Variants in OR5L2 observed in about 807,000 individuals in gnomAD.
OR5L2 encodes olfactory receptor family 5 subfamily L member 2, also known as olfactory receptor 5L2.
For synonymous variants in OR5L2, 175 were observed against 151.6 expected, an observed-to-expected ratio of 1.15 and a Z score of -1.13; for missense variants, 425 against 365.6, an observed-to-expected ratio of 1.16 and a Z score of -1.32.
In OR5L2 at chr11:55,827,584, C is replaced by T. The variant is rs763663319; in HGVS notation, c.366C>T (p.Arg122=). 25 of 1,613,772 alleles carry T rather than the reference C, an allele frequency of 1.5e-5. No individual in the cohort carries two copies. The highest frequency in any genetic ancestry group is 1.7e-5 in the Non-Finnish European group (20 of 1,180,000). The part of the protein sequence containing the change: ...VFLLAVMAYD[R]FVAICNPLLY... The stretch of plus-strand genomic sequence containing the variant: ...TGCTGGCCGTGATGGCCTATGACCG[C>T]TTTGTGGCCATCTGTAACCCCCTGC... Residue 122 remains arginine (R), a synonymous_variant, in exon 1 of 1, where the codon CGC becomes CGT. Transcript: ENST00000378397.
chr11:55,827,726 A>G lies in OR5L2; in HGVS notation c.508A>G (p.Arg170Gly). 9.9e-6 allele frequency: 16 copies of G among 1,613,758 alleles called. No homozygotes were observed. The highest frequency in any genetic ancestry group is 1.4e-5 in the Non-Finnish European group (16 of 1,179,992). ...CTTAGCTCTTAGGATCCTCTTCTAT[A>G]GATCTAATGTGATTAACCACTTCTT... is the stretch of plus-strand genomic sequence containing the variant. Reference protein sequence around the residue: ...SSLALRILFYRSNVINHFFCD... With the variant: ...SSLALRILFYGSNVINHFFCD... Residue 170 changes from arginine to glycine, a missense_variant, in exon 1 of 1, where the codon AGA becomes GGA. Transcript: ENST00000378397.
At position 55,827,708 on chromosome 11, in the gene OR5L2, C is replaced by T; in HGVS notation, c.490C>T (p.Leu164Phe). 1 of 1,613,776 alleles carries T rather than the reference C, an allele frequency of 6.2e-7. No homozygotes were observed. Among genetic ancestry groups the T allele is most frequent in the Non-Finnish European group, 8.5e-7 (1 of 1,179,994 alleles). ...VCSLIHSSLALRILFYRSNVI... is the reference protein window; with the variant it reads ...VCSLIHSSLAFRILFYRSNVI... ...TTCTCTGATTCACTCGTCCTTAGCT[C>T]TTAGGATCCTCTTCTATAGATCTAA... The change falls in exon 1 of 1, where the codon CTT (leucine) becomes TTT (phenylalanine). Residue 164 changes from leucine (L) to phenylalanine (F), a missense_variant. Transcript: ENST00000378397.
In OR5L2 at chr11:55,827,256, T is replaced by C; in HGVS notation, c.38T>C (p.Ile13Thr). Residue 13 changes from isoleucine (I) to threonine (T), a missense_variant, in exon 1 of 1, where the codon ATT becomes ACT. By Grantham distance (89) the Ile-to-Thr change is moderately conservative. Transcript: ENST00000378397. ...AACTGCACCACTGTGGCTGAGTTCA[T>C]TCTCCTTGGACTATCAGATGTCCCT... is the stretch of plus-strand genomic sequence containing the variant. ...KENCTTVAEF[I>T]LLGLSDVPEL... is the part of the protein sequence containing the mutation. The C allele has an allele frequency of 1.2e-6, 2 of 1,613,820 alleles. No individual in the cohort carries two copies. Among genetic ancestry groups the C allele is most frequent in the Middle Eastern group, 3.3e-4 (2 of 6,056 alleles).
In OR5L2 at chr11:55,827,631, A is replaced by G. The variant is rs771379198; in HGVS notation, c.413A>G (p.Gln138Arg). The G allele has an allele frequency of 1.2e-5, 19 of 1,613,900 alleles. No homozygotes were observed. Among genetic ancestry groups the G allele is most frequent in the Admixed American group, 1.7e-5 (1 of 59,994 alleles). ...CTGCTGTACATGGTGACCATGTCTC[A>G]GAAGCTGCGTGTGGAGCTGACCTCT... ...NPLLYMVTMSQKLRVELTSCC... is the reference protein window; with the variant it reads ...NPLLYMVTMSRKLRVELTSCC... Residue 138 changes from glutamine (Q) to arginine (R), a missense_variant, in exon 1 of 1, where the codon CAG (glutamine) becomes CGG (arginine). Gln to Arg is a conservative substitution (Grantham distance 43, BLOSUM62 1). Transcript: ENST00000378397.
In OR5L2 at chr11:55,828,084, T is replaced by A; in HGVS notation, c.866T>A (p.Ile289Asn). 1 of 1,613,782 alleles carries A rather than the reference T, an allele frequency of 6.2e-7. No homozygotes were observed. Among genetic ancestry groups the A allele is most frequent in the Non-Finnish European group, 8.5e-7 (1 of 1,179,888 alleles). ...GTGATTCCCATGCTGAACCCCCTGA[T>A]CTACAGCCTGAGAAATAAGGATGTG... is the stretch of plus-strand genomic sequence containing the variant. ...TVVIPMLNPL[I>N]YSLRNKDVNK... Residue 289 changes from isoleucine to asparagine, a missense_variant, in exon 1 of 1, where the codon ATC becomes AAC. Physicochemically the swap from Ile to Asn is moderately radical, Grantham distance 149. Coordinates refer to ENST00000378397, the MANE Select transcript of OR5L2 (RefSeq NM_001004739.1).
chr11:55,827,506 G>C lies in OR5L2; in HGVS notation c.288G>C (p.Gly96=), dbSNP rs767056659. The C allele has an allele frequency of 3.1e-6, 5 of 1,613,868 alleles. No homozygotes were observed. Among genetic ancestry groups the C allele is most frequent in the Non-Finnish European group, 3.4e-6 (4 of 1,179,974 alleles). Residue 96 remains glycine, a synonymous_variant, in exon 1 of 1, where the codon GGG becomes GGC. Transcript: ENST00000378397. The part of the protein sequence containing the change: ...FNKDKAISFL[G]CMVQFYLFCT... ...AGGACAAAGCCATCTCCTTCCTAGG[G>C]TGCATGGTGCAATTCTACTTGTTTT...
chr11:55,828,090 G>C lies in OR5L2; in HGVS notation c.872G>C (p.Ser291Thr). The change falls in exon 1 of 1, where the codon AGC becomes ACC. Residue 291 changes from serine (S) to threonine (T), a missense_variant. Ser to Thr is a moderately conservative substitution (Grantham distance 58). Coordinates refer to ENST00000378397, the MANE Select transcript of OR5L2 (RefSeq NM_001004739.1). ...VIPMLNPLIY[S>T]LRNKDVNKAL... The stretch of plus-strand genomic sequence containing the variant: ...CCCATGCTGAACCCCCTGATCTACA[G>C]CCTGAGAAATAAGGATGTGAACAAA... The C allele has an allele frequency of 6.2e-7, 1 of 1,613,676 alleles. No individual in the cohort carries two copies. The highest frequency in any genetic ancestry group is 8.5e-7 in the Non-Finnish European group (1 of 1,179,840).
At position 55,827,556 on chromosome 11, in the gene OR5L2, T is replaced by C; in HGVS notation, c.338T>C (p.Phe113Ser). Residue 113 changes from phenylalanine to serine, a missense_variant, in exon 1 of 1, where the codon TTC (phenylalanine) becomes TCC (serine). Transcript: ENST00000378397. ...LFCTCGVTEV[F>S]LLAVMAYDRF... ...TGCACATGTGGAGTCACTGAGGTCT[T>C]CCTGCTGGCCGTGATGGCCTATGAC... The C allele has an allele frequency of 6.2e-7, 1 of 1,613,514 alleles. No individual in the cohort carries two copies. Among genetic ancestry groups the C allele is most frequent in the Non-Finnish European group, 8.5e-7 (1 of 1,179,628 alleles).
chr11:55,827,566 C>T lies in OR5L2; in HGVS notation c.348C>T (p.Ala116=), dbSNP rs770843874. Residue 116 remains alanine (A), a synonymous_variant, in exon 1 of 1, where the codon GCC becomes GCT. Transcript: ENST00000378397. The part of the protein sequence containing the change: ...TCGVTEVFLL[A]VMAYDRFVAI... Reference sequence around the variant, plus strand: ...GAGTCACTGAGGTCTTCCTGCTGGCCGTGATGGCCTATGACCGCTTTGTGG... The same window carrying T: ...GAGTCACTGAGGTCTTCCTGCTGGCTGTGATGGCCTATGACCGCTTTGTGG... The T allele has an allele frequency of 5.6e-6, 9 of 1,613,720 alleles. No individual in the cohort carries two copies. Among genetic ancestry groups the T allele is most frequent in the Middle Eastern group, 1.6e-4 (1 of 6,082 alleles).
chr11:55,827,582 C>T lies in OR5L2; in HGVS notation c.364C>T (p.Arg122Cys), dbSNP rs536857563. ...VFLLAVMAYDRFVAICNPLLY... is the reference protein window; with the variant it reads ...VFLLAVMAYDCFVAICNPLLY... ...CCTGCTGGCCGTGATGGCCTATGACCGCTTTGTGGCCATCTGTAACCCCCT... is the reference window on the plus strand; with the variant it reads ...CCTGCTGGCCGTGATGGCCTATGACTGCTTTGTGGCCATCTGTAACCCCCT... The change falls in exon 1 of 1, where the codon CGC becomes TGC. Residue 122 changes from arginine to cysteine, a missense_variant. Arg to Cys is a radical substitution (Grantham distance 180). Coordinates refer to ENST00000378397, the MANE Select transcript of OR5L2 (RefSeq NM_001004739.1). The T allele has an allele frequency of 6.1e-5, 98 of 1,613,848 alleles. No individual in the cohort carries two copies. Among genetic ancestry groups the T allele is most frequent in the Middle Eastern group, 1.7e-4 (1 of 6,060 alleles).
rs771919735 is a variant in OR5L2, at chr11:55,827,618, G to T, written c.400G>T (p.Val134Leu). The change falls in exon 1 of 1, where the codon GTG becomes TTG. Residue 134 changes from valine to leucine, a missense_variant. Coordinates refer to ENST00000378397, the MANE Select transcript of OR5L2 (RefSeq NM_001004739.1). ...VAICNPLLYM[V>L]TMSQKLRVEL... ...CATCTGTAACCCCCTGCTGTACATG[G>T]TGACCATGTCTCAGAAGCTGCGTGT... 1.7e-5 allele frequency: 28 copies of T among 1,613,762 alleles called. No homozygotes were observed. Among genetic ancestry groups the T allele is most frequent in the Non-Finnish European group, 2.4e-5 (28 of 1,180,000 alleles).
At position 55,827,727 on chromosome 11, in the gene OR5L2, G is replaced by C. The variant is rs917447606; in HGVS notation, c.509G>C (p.Arg170Thr). 1 of 1,613,694 alleles carries C rather than the reference G, an allele frequency of 6.2e-7. No individual in the cohort carries two copies. ...TTAGCTCTTAGGATCCTCTTCTATA[G>C]ATCTAATGTGATTAACCACTTCTTC... is the stretch of plus-strand genomic sequence containing the variant. ...SSLALRILFY[R>T]SNVINHFFCD... Residue 170 changes from arginine (R) to threonine (T), a missense_variant, in exon 1 of 1, where the codon AGA becomes ACA. Transcript: ENST00000378397.
chr11:55,828,076 C>A lies in OR5L2; in HGVS notation c.858C>A (p.Asn286Lys), dbSNP rs139242686. Residue 286 changes from asparagine to lysine, a missense_variant, in exon 1 of 1, where the codon AAC becomes AAA. Transcript: ENST00000378397. ...VFYTVVIPML[N>K]PLIYSLRNKD... ...ACACAGTTGTGATTCCCATGCTGAA[C>A]CCCCTGATCTACAGCCTGAGAAATA... 3.1e-6 allele frequency: 5 copies of A among 1,613,644 alleles called. No individual in the cohort carries two copies. Among genetic ancestry groups the A allele is most frequent in the South Asian group, 1.1e-5 (1 of 91,070 alleles).
In OR5L2 at chr11:55,827,242, T is replaced by G. The variant is rs1420388723; in HGVS notation, c.24T>G (p.Thr8=). MGKENCT[T]VAEFILLGLS... ...ACATGGGCAAGGAAAACTGCACCAC[T>G]GTGGCTGAGTTCATTCTCCTTGGAC... The change falls in exon 1 of 1, where the codon ACT becomes ACG. Residue 8 remains threonine, a synonymous_variant. Transcript: ENST00000378397. The G allele has an allele frequency of 6.2e-7, 1 of 1,613,406 alleles. No individual in the cohort carries two copies. Among genetic ancestry groups the G allele is most frequent in the Non-Finnish European group, 8.5e-7 (1 of 1,179,776 alleles).
At position 55,827,798 on chromosome 11, in the gene OR5L2, G is replaced by A. The variant is rs547469447; in HGVS notation, c.580G>A (p.Val194Met). The A allele has an allele frequency of 6.2e-7, 1 of 1,613,898 alleles. No individual in the cohort carries two copies. Among genetic ancestry groups the A allele is most frequent in the South Asian group, 1.1e-5 (1 of 91,064 alleles). ...AAGTCTTGCTTGCTCTGATGTCACT[G>A]TGAATGAGACACTGCTGTTCCTGGT... Reference protein sequence around the residue: ...LLSLACSDVTVNETLLFLVAT... With the variant: ...LLSLACSDVTMNETLLFLVAT... Residue 194 changes from valine (V) to methionine (M), a missense_variant, in exon 1 of 1, where the codon GTG becomes ATG. Coordinates refer to ENST00000378397, the MANE Select transcript of OR5L2 (RefSeq NM_001004739.1).
Position 55,828,049 on chromosome 11 carries a change from C to G in OR5L2, c.831C>G (p.Phe277Leu). 6.2e-7 allele frequency: 1 copy of G among 1,613,758 alleles called. No homozygotes were observed. The highest frequency in any genetic ancestry group is 1.7e-5 in the Admixed American group (1 of 59,948). Reference sequence around the variant, plus strand: ...ATGTTGACAAAGTGGCCACCGTGTTCTACACAGTTGTGATTCCCATGCTGA... The same window carrying G: ...ATGTTGACAAAGTGGCCACCGTGTTGTACACAGTTGTGATTCCCATGCTGA... ...SGDVDKVATVFYTVVIPMLNP... is the reference protein window; with the variant it reads ...SGDVDKVATVLYTVVIPMLNP... The change falls in exon 1 of 1, where the codon TTC (phenylalanine) becomes TTG (leucine). Residue 277 changes from phenylalanine (F) to leucine (L), a missense_variant. By Grantham distance (22) the Phe-to-Leu change is conservative. Transcript: ENST00000378397.
At position 55,828,032 on chromosome 11, in the gene OR5L2, A is replaced by G. The variant is rs550146555; in HGVS notation, c.814A>G (p.Lys272Glu). ...TTCAGGCAACAGTGGAGATGTTGAC[A>G]AAGTGGCCACCGTGTTCTACACAGT... Reference protein sequence around the residue: ...PSSGNSGDVDKVATVFYTVVI... With the variant: ...PSSGNSGDVDEVATVFYTVVI... The change falls in exon 1 of 1, where the codon AAA (lysine) becomes GAA (glutamate). Residue 272 changes from lysine (K) to glutamate (E), a missense_variant. Coordinates refer to ENST00000378397, the MANE Select transcript of OR5L2 (RefSeq NM_001004739.1). 1.5e-5 allele frequency: 24 copies of G among 1,606,982 alleles called. No individual in the cohort carries two copies. In the Admixed American group the frequency reaches 3.3e-4, roughly 22 times the overall value.
At position 55,827,717 on chromosome 11, in the gene OR5L2, C is replaced by A; in HGVS notation, c.499C>A (p.Leu167Ile). 1 of 1,613,756 alleles carries A rather than the reference C, an allele frequency of 6.2e-7. No homozygotes were observed. The highest frequency in any genetic ancestry group is 8.5e-7 in the Non-Finnish European group (1 of 1,179,994). Residue 167 changes from leucine (L) to isoleucine (I), a missense_variant, in exon 1 of 1, where the codon CTC (leucine) becomes ATC (isoleucine). Transcript: ENST00000378397. The stretch of plus-strand genomic sequence containing the variant: ...TCACTCGTCCTTAGCTCTTAGGATC[C>A]TCTTCTATAGATCTAATGTGATTAA... ...LIHSSLALRI[L>I]FYRSNVINHF...
Position 55,827,963 on chromosome 11 carries a change from A to G in OR5L2, c.745A>G (p.Thr249Ala). 2 of 1,613,858 alleles carry G rather than the reference A, an allele frequency of 1.2e-6. No individual in the cohort carries two copies. Among genetic ancestry groups the G allele is most frequent in the South Asian group, 2.2e-5 (2 of 91,076 alleles). Residue 249 changes from threonine (T) to alanine (A), a missense_variant, in exon 1 of 1, where the codon ACT (threonine) becomes GCT (alanine). By Grantham distance (58) the Thr-to-Ala change is moderately conservative (BLOSUM62 0). Transcript: ENST00000378397. The stretch of plus-strand genomic sequence containing the variant: ...CTGTGCCTCCCACCTCACAGCCATC[A>G]CTGTCTCCCATGGAACAATCCTTTA... ...STCASHLTAI[T>A]VSHGTILYIY...
Sources: allele counts gnomAD v4.1 joint callset, GRCh38; gene constraint gnomAD v4.1.1; transcripts MANE v1.5; gene names NCBI Gene and HGNC (gene_info 2026-07-23, HGNC 2026-07-21).